Variants in LIPC observed in about 807,000 individuals in gnomAD.
LIPC encodes hepatic triacylglycerol lipase.
Under a neutral mutation model 50.7 loss-of-function variants are expected in LIPC, and 44 were observed. That is an observed-to-expected ratio of 0.87 (90% CI 0.68 to 1.11). LIPC has a LOEUF of 1.11. Ranked by LOEUF, LIPC falls within the 50% of genes most tolerant of loss-of-function variation. The probability of loss-of-function intolerance (pLI) is 0.00; values close to 1 mark genes in which losing one functional copy is unlikely to be tolerated. For missense variants in LIPC, 697 were observed against 648.2 expected, an observed-to-expected ratio of 1.08 and a Z score of -0.82; for synonymous variants, 271 against 256.4, an observed-to-expected ratio of 1.06 and a Z score of -0.54.
chr15:58,482,810 G>A (rs1160659634), intron 1 of LIPC, among the ~76,000 whole-genome samples: 1 of 152,170 alleles, frequency 6.6e-6, no homozygotes. Flanking sequence ...CCCTGGGTTT[G>A]GGGGCTTTTG....
intron 4 of LIPC, among the ~76,000 whole-genome samples, chr15:58,545,315 T>C (rs1471561139): frequency 6.6e-6 from 1 of 152,190 alleles, no homozygotes; most frequent in African/African-American, 2.4e-5. Flanking sequence ...CATGATTCGC[T>C]GCTACCTCAA....
chr15:58,560,840 TTC>T (rs770175422), intron 6 of LIPC, 22 bp from the exon 7 acceptor site: 12 of 907,696 alleles, frequency 1.3e-5, no homozygotes, highest in East Asian at 4.8e-5. Context: ...ATCTCTCTCT[TTC>T]TCTCTCTGTC....
At chr15:58,507,167 G>C (rs765225850) in intron 1 of LIPC, among the ~76,000 whole-genome samples, 7 of 152,192 alleles carry the variant, frequency 4.6e-5, no homozygotes, top group Non-Finnish European at 8.8e-5. Context: ...GCAAATCATA[G>C]GAGTGGGGAA....
chr15:58,567,310 T>TAC (rs1367112556), intron 8 of LIPC, among the ~76,000 whole-genome samples: 11 of 27,652 alleles, frequency 4.0e-4, no homozygotes, highest in Non-Finnish European at 8.1e-4. Context: ...TATATACATA[T>TAC]ATATGTATAT....
intron 1 of LIPC, among the ~76,000 whole-genome samples, chr15:58,490,246 G>T (rs1891538907): frequency 6.6e-6 from 1 of 152,290 alleles, no homozygotes; most frequent in African/African-American, 2.4e-5. Context: ...GGCCAGGGGA[G>T]ATGCCCTAGA....
chr15:58,545,303 G>C (rs1298729757), intron 4 of LIPC, among the ~76,000 whole-genome samples: 13 of 151,944 alleles, frequency 8.6e-5, no homozygotes, highest in African/African-American at 3.1e-4. Context: ...CAGTGGTGCA[G>C]TCATGATTCG....
chr15:58,488,349 C>CAGT (rs1891448730), intron 1 of LIPC, among the ~76,000 whole-genome samples: 2 of 152,182 alleles, frequency 1.3e-5, no homozygotes, highest in African/African-American at 4.8e-5. Flanking sequence ...TGGGGCTGAC[C>CAGT]ACTGAACTAC....
At chr15:58,494,700 A>C (rs1595895671) in intron 1 of LIPC, 1 of 451,052 alleles carries the variant, frequency 2.2e-6, no homozygotes. Flanking sequence ...CAGATAATGA[A>C]GTTTTGCAAA....
rs182379958 is a variant in LIPC, at chr15:58,492,341, A to G, written c.89-45992A>G. Among the ~76,000 whole-genome samples, 106 of 152,324 alleles carry G rather than the reference A, an allele frequency of 7.0e-4. No individual in the cohort carries two copies. In the Middle Eastern group the frequency reaches 0.017, roughly 24 times the overall value. ...GCTGTAGTATATTAATATTACTGTC[A>G]TTAATTGATATTATTGTAATGTTAC... On this transcript the variant is annotated intron_variant, in intron 1 of 8. Coordinates refer to ENST00000299022, the MANE Select transcript of LIPC (RefSeq NM_000236.3).
chr15:58,545,699 T>A lies in LIPC; in HGVS notation c.575-43T>A, dbSNP rs765920326. 3.3e-6 allele frequency: 5 copies of A among 1,534,978 alleles called. No homozygotes were observed. The Admixed American group carries it at 8.4e-5, about 26-fold the overall frequency. On this transcript the variant is annotated intron_variant, in intron 4 of 8. Coordinates refer to ENST00000299022, the MANE Select transcript of LIPC (RefSeq NM_000236.3). Reference sequence around the variant, plus strand: ...GCTAAAAAGCACATCTCTCTTCCCCTCTCCTTGCTCCTGCGTAACCCTTAC... The same window carrying A: ...GCTAAAAAGCACATCTCTCTTCCCCACTCCTTGCTCCTGCGTAACCCTTAC...
chr15:58,550,889 TGCAGTG>T (rs1946365539), intron 6 of LIPC, among the ~76,000 whole-genome samples: 1 of 130,978 alleles, frequency 7.6e-6, no homozygotes, highest in East Asian at 2.4e-4. Flanking sequence ...CAGGCTGGAG[TGCAGTG>T]GCGTGATCTT....
Position 58,569,013 on chromosome 15 carries a change from C to T in LIPC, c.*186C>T. Reference sequence around the variant, plus strand: ...AAAAACGATATGATATAACTATTTTCCAGTATCAGTACAACCAAAAATGTC... The same window carrying T: ...AAAAACGATATGATATAACTATTTTTCAGTATCAGTACAACCAAAAATGTC... On this transcript the variant is annotated 3_prime_UTR_variant, in exon 9 of 9. Transcript: ENST00000299022. 1 of 466,526 alleles carries T rather than the reference C, an allele frequency of 2.1e-6. No individual in the cohort carries two copies. The highest frequency in any genetic ancestry group is 3.8e-6 in the Non-Finnish European group (1 of 264,788). 28.9% of individuals were successfully genotyped at this position (466,526 alleles called of 1,614,324 possible). A position where few individuals can be genotyped will look rare whatever the true frequency, so the allele number is the denominator to read the frequency against.
chr15:58,561,796 A>C (rs1340803050), intron 7 of LIPC, among the ~76,000 whole-genome samples: 1 of 152,182 alleles, frequency 6.6e-6, no homozygotes, highest in Non-Finnish European at 1.5e-5. Flanking sequence ...CATCAGTCTT[A>C]AAATCTGGGT....
In LIPC at chr15:58,538,330, C is replaced by T; in HGVS notation, c.89-3C>T. The T allele has an allele frequency of 6.2e-7, 1 of 1,614,092 alleles. No homozygotes were observed. On this transcript the variant is annotated splice_polypyrimidine_tract_variant and splice_region_variant and intron_variant, in intron 1 of 8. Transcript: ENST00000299022. Reference sequence around the variant, plus strand: ...AAGCACCGTCCCCAATCTTATATTGCAGAGCCATTTGGAAGAAGAGCTCAA... The same window carrying T: ...AAGCACCGTCCCCAATCTTATATTGTAGAGCCATTTGGAAGAAGAGCTCAA...
At chr15:58,446,982 T>C (rs1335353567) in intron 1 of LIPC, among the ~76,000 whole-genome samples, 10 of 151,692 alleles carry the variant, frequency 6.6e-5, no homozygotes, top group African/African-American at 2.4e-4. Flanking sequence ...ACCCCTTCTC[T>C]ACTAAAGATA....
chr15:58,445,242 A>G (rs1440325987), intron 1 of LIPC, among the ~76,000 whole-genome samples: 1 of 152,236 alleles, frequency 6.6e-6, no homozygotes, highest in East Asian at 1.9e-4. Context: ...TGAGTGAGTG[A>G]TGAAACTCAC....
intron 1 of LIPC, among the ~76,000 whole-genome samples, chr15:58,495,455 G>A (rs1309587335): frequency 6.6e-6 from 1 of 152,092 alleles, no homozygotes; most frequent in Non-Finnish European, 1.5e-5. Context: ...CTAGGCATTG[G>A]GTGTGAAACC....
At chr15:58,459,645 T>TC (rs1189254930) in intron 1 of LIPC, among the ~76,000 whole-genome samples, 3 of 152,078 alleles carry the variant, frequency 2.0e-5, no homozygotes, top group Admixed American at 2.0e-4. Context: ...AAGCAAACAC[T>TC]CCCCCCACAT....
intron 6 of LIPC, among the ~76,000 whole-genome samples, chr15:58,554,714 C>T (rs1300796004): frequency 6.6e-6 from 1 of 152,080 alleles, no homozygotes; most frequent in Non-Finnish European, 1.5e-5. Flanking sequence ...GAGCAACATA[C>T]AGACCTCATC....
Sources: allele counts gnomAD v4.1 joint callset (sites outside exome capture counted in the v4.1 genomes callset), GRCh38; gene constraint gnomAD v4.1.1; transcripts MANE v1.5; gene names NCBI Gene and HGNC (gene_info 2026-07-23, HGNC 2026-07-21).